RALYL: variants seen among roughly 807,000 people sequenced by gnomAD.
RALYL encodes RALY RNA binding protein like.
In RALYL, 29 loss-of-function variants were observed where a neutral mutation model predicts 35.1. The observed-to-expected ratio is 0.83, with a 90% confidence interval of 0.61 to 1.13. The LOEUF is 1.13. Among genes scored for constraint, RALYL ranks in the 50% most tolerant of loss-of-function variants. The probability of loss-of-function intolerance (pLI) is 0.00; values close to 1 mark genes in which losing one functional copy is unlikely to be tolerated. For synonymous variants in RALYL, 120 were observed against 127.6 expected (o/e 0.94, Z 0.40); for missense variants, 359 against 360.4 (o/e 1.00, Z 0.03).
In RALYL at chr8:84,480,485, G is replaced by C. The variant is rs139636290; in HGVS notation, c.-23-48814G>C. On this transcript the variant is annotated intron_variant, in intron 1 of 8. Coordinates refer to ENST00000521268, the MANE Select transcript of RALYL (RefSeq NM_173848.7). ...CACCTTAATGAGTGTTTTTGGTTTT[G>C]TAATTAAGGACTTCTGTGCGTATTC... Among the ~76,000 whole-genome samples the C allele has an allele frequency of 5.2e-3, 790 of 152,222 alleles. 4 individuals carry two copies. Among genetic ancestry groups the C allele is most frequent in the African/African-American group, 0.018 (761 of 41,536 alleles).
chr8:84,192,688 G>C (rs1299631888), intron 1 of RALYL, among the ~76,000 whole-genome samples: 5 of 151,936 alleles, frequency 3.3e-5, no homozygotes, highest in African/African-American at 1.2e-4. Flanking sequence ...CTCCTGAATA[G>C]CTAAGATTAC....
At chr8:84,435,072 C>G (rs1324587339) in intron 1 of RALYL, among the ~76,000 whole-genome samples, 1 of 152,046 alleles carries the variant, frequency 6.6e-6, no homozygotes, top group Non-Finnish European at 1.5e-5. Context: ...GCATTAGTCT[C>G]TTACAGGATG....
chr8:84,813,502 T>A (rs988918965), intron 4 of RALYL, among the ~76,000 whole-genome samples: 5 of 152,228 alleles, frequency 3.3e-5, no homozygotes, highest in Non-Finnish European at 7.3e-5. Flanking sequence ...GTGCATGGTA[T>A]ATGGTTTATT....
chr8:84,792,421 T>C (rs1821003755), intron 3 of RALYL, among the ~76,000 whole-genome samples: 1 of 152,198 alleles, frequency 6.6e-6, no homozygotes, highest in African/African-American at 2.4e-5. Flanking sequence ...TGCTGCACCG[T>C]TCTGCCTTTC....
At chr8:84,811,661 G>T (rs1825939229) in intron 4 of RALYL, among the ~76,000 whole-genome samples, 1 of 152,054 alleles carries the variant, frequency 6.6e-6, no homozygotes, top group East Asian at 1.9e-4. Flanking sequence ...TTATTCTTAG[G>T]TTTGGTCATT....
In RALYL at chr8:84,669,313, G is replaced by A. The variant is rs371148789; in HGVS notation, c.257-105266G>A. Among the ~76,000 whole-genome samples the A allele has an allele frequency of 3.9e-5, 6 of 152,064 alleles. No homozygotes were observed. The South Asian group carries it at 8.3e-4, about 21-fold the overall frequency. ...TCTCTGGGCTTGGGCAGGGCCATTTGGGAATTACCATTTTGGAACACCCAT... is the reference window on the plus strand; with the variant it reads ...TCTCTGGGCTTGGGCAGGGCCATTTAGGAATTACCATTTTGGAACACCCAT... On this transcript the variant is annotated intron_variant, in intron 2 of 8. Coordinates refer to ENST00000521268, the MANE Select transcript of RALYL (RefSeq NM_173848.7).
At chr8:84,711,795 A>G (rs1842229525) in intron 2 of RALYL, among the ~76,000 whole-genome samples, 1 of 152,188 alleles carries the variant, frequency 6.6e-6, no homozygotes, top group African/African-American at 2.4e-5. Context: ...GTTTAAAGGT[A>G]CTTATTGAAA....
intron 1 of RALYL, among the ~76,000 whole-genome samples, chr8:84,316,199 T>C (rs1183789324): frequency 6.6e-6 from 1 of 152,170 alleles, no homozygotes; most frequent in Non-Finnish European, 1.5e-5. Context: ...CGATTTACTC[T>C]TTAGCATCTC....
intron 1 of RALYL, among the ~76,000 whole-genome samples, chr8:84,337,269 C>T (rs1353227960): frequency 6.6e-6 from 1 of 150,440 alleles, no homozygotes; most frequent in Non-Finnish European, 1.5e-5. Flanking sequence ...ATTGTCGTCA[C>T]TATAGAAATG....
Position 84,759,413 on chromosome 8 carries a change from A to G in RALYL, c.257-15166A>G, listed in dbSNP as rs1246047616. Among the ~76,000 whole-genome samples, 4 of 152,302 alleles carry G rather than the reference A, an allele frequency of 2.6e-5. No homozygotes were observed. In the East Asian group the frequency reaches 7.7e-4, roughly 29 times the overall value. ...GTCCAGTCCTTTCAGAATATTTATT[A>G]AAGTCTAGTGGATCACTAACCCAGG... On this transcript the variant is annotated intron_variant, in intron 2 of 8. Transcript: ENST00000521268.
chr8:84,798,725 G>A (rs1404655204), intron 3 of RALYL, among the ~76,000 whole-genome samples: 1 of 152,154 alleles, frequency 6.6e-6, no homozygotes, highest in East Asian at 1.9e-4. Flanking sequence ...AAATATAATG[G>A]GTGGATATTT....
At chr8:84,518,396 A>T (rs2058218567) in intron 1 of RALYL, among the ~76,000 whole-genome samples, 1 of 152,208 alleles carries the variant, frequency 6.6e-6, no homozygotes, top group Non-Finnish European at 1.5e-5. Flanking sequence ...TTGCATCAAT[A>T]GGAATAAGAT....
At chr8:84,872,813 A>G (rs1840453594) in intron 6 of RALYL, 1 of 152,314 alleles carries the variant, frequency 6.6e-6, no homozygotes, top group African/African-American at 2.4e-5. Context: ...ATTTTCTTTA[A>G]AGGATAAATT....
chr8:84,844,348 T>A (rs374580286), intron 4 of RALYL, among the ~76,000 whole-genome samples: 1 of 151,882 alleles, frequency 6.6e-6, no homozygotes, highest in African/African-American at 2.4e-5. Context: ...CATTTATGCA[T>A]CCAAAAAACA....
intron 2 of RALYL, among the ~76,000 whole-genome samples, chr8:84,765,351 T>C (rs1813664209): frequency 6.6e-6 from 1 of 152,120 alleles, no homozygotes. Flanking sequence ...GCAGCTGCAG[T>C]TCAATCTGCT....
At chr8:84,915,592 G>A (rs964148704) in intron 8 of RALYL, among the ~76,000 whole-genome samples, 1 of 152,052 alleles carries the variant, frequency 6.6e-6, no homozygotes. Flanking sequence ...ATTTGAGATA[G>A]ACAAGACACA....
chr8:84,496,451 C>T (rs1175830764), intron 1 of RALYL, among the ~76,000 whole-genome samples: 2 of 152,000 alleles, frequency 1.3e-5, no homozygotes, highest in South Asian at 2.1e-4. Flanking sequence ...AGGATATTCC[C>T]CCTTGTAATT....
chr8:84,203,823 A>G (rs1002650325), intron 1 of RALYL, among the ~76,000 whole-genome samples: 6 of 152,090 alleles, frequency 3.9e-5, no homozygotes, highest in African/African-American at 1.4e-4. Flanking sequence ...CATTCATTCA[A>G]TAATGCTATT....
At chr8:84,895,387 T>C (rs1399855823) in intron 8 of RALYL, among the ~76,000 whole-genome samples, 1 of 152,122 alleles carries the variant, frequency 6.6e-6, no homozygotes, top group Non-Finnish European at 1.5e-5. Flanking sequence ...TGTTAAGTCT[T>C]TTATGATGTA....
Sources: gnomAD v4.1 joint callset for allele counts (sites outside exome capture counted in the v4.1 genomes callset) on GRCh38, gnomAD v4.1.1 for gene constraint, MANE v1.5 for transcripts, NCBI Gene and HGNC (gene_info 2026-07-23, HGNC 2026-07-21) for gene names.